The following PPP1R21 variants were observed in gnomAD, a reference collection of about 807,000 sequenced individuals.
PPP1R21 encodes KLRAQ motif containing 1.
In PPP1R21, 85 loss-of-function variants were observed where a neutral mutation model predicts 112.8. That is an observed-to-expected ratio of 0.75 (90% CI 0.63 to 0.90). The LOEUF is 0.90. Among genes scored for constraint, PPP1R21 ranks in the 40% least tolerant of loss-of-function variants. The pLI is 0.00. For synonymous variants in PPP1R21, 381 were observed against 322.3 expected, an observed-to-expected ratio of 1.18 and a Z score of -1.95; for missense variants, 1,199 against 901.5, an observed-to-expected ratio of 1.33 and a Z score of -4.23.
At chr2:48,481,311 G>A (rs1214189617) in intron 13 of PPP1R21, among the ~76,000 whole-genome samples, 1 of 152,176 alleles carries the variant, frequency 6.6e-6, no homozygotes, top group East Asian at 1.9e-4. Flanking sequence ...AACTTTGAAA[G>A]TCACTGTACT....
chr2:48,480,752 C>T (rs1392593797), intron 13 of PPP1R21, among the ~76,000 whole-genome samples: 4 of 152,090 alleles, frequency 2.6e-5, no homozygotes, highest in Non-Finnish European at 5.9e-5. Flanking sequence ...GGAAATAGTC[C>T]AGGTGCCTGG....
chr2:48,456,670 A>G (rs1667738186), intron 3 of PPP1R21, among the ~76,000 whole-genome samples: 1 of 152,206 alleles, frequency 6.6e-6, no homozygotes, highest in South Asian at 2.1e-4. Context: ...ACATAGAAGC[A>G]TTCCCGAGAG....
At chr2:48,507,471 G>A in intron 19 of PPP1R21, 86 bp downstream of exon 19, 1 of 1,524,406 alleles carries the variant, frequency 6.6e-7, no homozygotes, top group Non-Finnish European at 8.7e-7. Flanking sequence ...GCTGTTCACT[G>A]TAAGAGAGAA....
At chr2:48,489,636 G>A (rs1669466545) in intron 14 of PPP1R21, among the ~76,000 whole-genome samples, 1 of 151,964 alleles carries the variant, frequency 6.6e-6, no homozygotes, top group South Asian at 2.1e-4. Flanking sequence ...CACTGCACCT[G>A]GCTTATCAAA....
At chr2:48,480,650 T>G (rs916227577) in intron 13 of PPP1R21, among the ~76,000 whole-genome samples, 1 of 152,098 alleles carries the variant, frequency 6.6e-6, no homozygotes, top group Non-Finnish European at 1.5e-5. Context: ...GCTTCTAGGT[T>G]TTTTTTCCCT....
At chr2:48,514,483 T>G (rs1291978003) in intron 21 of PPP1R21, among the ~76,000 whole-genome samples, 1 of 152,200 alleles carries the variant, frequency 6.6e-6, no homozygotes, top group Non-Finnish European at 1.5e-5. Context: ...TTATTTCCTG[T>G]CCTCAGCCCC....
intron 2 of PPP1R21, among the ~76,000 whole-genome samples, chr2:48,453,252 C>T (rs116118631): frequency 0.015 from 2,330 of 152,312 alleles, 33 homozygotes; most frequent in Non-Finnish European, 0.024. Context: ...CTGCACCTGG[C>T]CTAGGTTGCT....
chr2:48,461,236 G>C lies in PPP1R21; in HGVS notation c.694+4G>C. Reference sequence around the variant, plus strand: ...AAAGTACCTTTTAATGATACAAGTAGGTATTATGTACAGTTTTCCATTATT... The same window carrying C: ...AAAGTACCTTTTAATGATACAAGTACGTATTATGTACAGTTTTCCATTATT... On this transcript the variant is annotated splice_donor_region_variant and intron_variant, in intron 7 of 21. Coordinates refer to ENST00000294952, the MANE Select transcript of PPP1R21 (RefSeq NM_001135629.3). 1 of 1,554,986 alleles carries C rather than the reference G, an allele frequency of 6.4e-7. No individual in the cohort carries two copies.
intron 17 of PPP1R21, 80 bp downstream of exon 17, chr2:48,498,815 G>T: frequency 7.1e-7 from 1 of 1,403,670 alleles, no homozygotes; most frequent in Admixed American, 1.9e-5. Context: ...ATTAACCATT[G>T]TCTTAGTTCA....
chr2:48,513,369 TA>T (rs1470640935), intron 21 of PPP1R21, among the ~76,000 whole-genome samples: 2 of 145,558 alleles, frequency 1.4e-5, no homozygotes, highest in African/African-American at 2.5e-5. Flanking sequence ...CATGCCCGGC[TA>T]ATTTTTTTTT....
chr2:48,470,278 G>A (rs1254504304), intron 9 of PPP1R21, among the ~76,000 whole-genome samples: 2 of 152,092 alleles, frequency 1.3e-5, no homozygotes, highest in Non-Finnish European at 2.9e-5. Flanking sequence ...AGCACTTTGG[G>A]AGGCTGAGGT....
intron 21 of PPP1R21, among the ~76,000 whole-genome samples, chr2:48,512,325 G>C (rs1360327664): frequency 6.6e-6 from 1 of 152,132 alleles, no homozygotes; most frequent in Non-Finnish European, 1.5e-5. Flanking sequence ...GTTTTGCCAT[G>C]AAAGGTAAAC....
chr2:48,445,135 C>CT (rs756357658), intron 1 of PPP1R21, among the ~76,000 whole-genome samples: 17,173 of 102,572 alleles, frequency 0.17, 1,993 homozygotes, highest in East Asian at 0.49. Context: ...TGAATATGAG[C>CT]TTTTTTTTTT....
chr2:48,486,584 G>T, intron 13 of PPP1R21, 47 bp from the exon 14 acceptor site: 2 of 1,423,406 alleles, frequency 1.4e-6, no homozygotes, highest in South Asian at 2.3e-5. Context: ...ATCTGTATGT[G>T]ACTTATATAT....
chr2:48,488,446 A>C (rs1669410708), intron 14 of PPP1R21, among the ~76,000 whole-genome samples: 1 of 150,656 alleles, frequency 6.6e-6, no homozygotes, highest in Non-Finnish European at 1.5e-5. Flanking sequence ...AGCTCACTGC[A>C]AGCTCCACCT....
Position 48,471,160 on chromosome 2 carries a change from G to A in PPP1R21, c.971G>A (p.Ser324Asn). Residue 324 changes from serine (S) to asparagine (N), a missense_variant, in exon 10 of 22, where the codon AGT becomes AAT. Physicochemically the swap from Ser to Asn is conservative, Grantham distance 46. Transcript: ENST00000294952. The stretch of plus-strand genomic sequence containing the variant: ...GAAGGAATGCTTCATTTATTTGAAA[G>A]TATCACTGAGGATACTGTGACTGTC... ...LEEGMLHLFE[S>N]ITEDTVTVLE... 1.9e-6 allele frequency: 3 copies of A among 1,613,260 alleles called. No individual in the cohort carries two copies. The highest frequency in any genetic ancestry group is 2.5e-6 in the Non-Finnish European group (3 of 1,179,276).
At chr2:48,483,247 C>T (rs779264513) in intron 13 of PPP1R21, among the ~76,000 whole-genome samples, 1 of 118,222 alleles carries the variant, frequency 8.5e-6, no homozygotes, top group African/African-American at 3.3e-5. Context: ...GTCACCCAGG[C>T]TGGAGTGCAG....
At chr2:48,458,015 T>C (rs112476860) in intron 3 of PPP1R21, 111 bp from the exon 4 acceptor site, 1 of 748,254 alleles carries the variant, frequency 1.3e-6, no homozygotes, top group Admixed American at 1.9e-5. Context: ...TGTTTGAGAA[T>C]GGTGAACACA....
chr2:48,462,746 G>A (rs373812446), intron 7 of PPP1R21, among the ~76,000 whole-genome samples: 26 of 152,270 alleles, frequency 1.7e-4, no homozygotes, highest in African/African-American at 5.5e-4. Flanking sequence ...AAGTTTTTGA[G>A]CCAGGGAACA....
Sources: allele counts gnomAD v4.1 joint callset (sites outside exome capture counted in the v4.1 genomes callset), GRCh38; gene constraint gnomAD v4.1.1; transcripts MANE v1.5; gene names NCBI Gene and HGNC (gene_info 2026-07-23, HGNC 2026-07-21).